Variants in ASCC3 observed in about 807,000 individuals in gnomAD.
ASCC3 encodes the protein activating signal cointegrator 1 complex subunit 3.
In ASCC3, 158 loss-of-function variants were observed where a neutral mutation model predicts 256.3. The ratio of observed to expected loss-of-function variants is 0.62; its 90% CI spans 0.54 to 0.70. ASCC3 has a LOEUF of 0.70. Ranked by LOEUF, ASCC3 falls within the 30% of genes least tolerant of loss-of-function variation. The pLI is 0.00. For missense variants in ASCC3, 2,259 were observed against 2,626.0 expected (o/e 0.86, Z 3.05); for synonymous variants, 948 against 883.4 (o/e 1.07, Z -1.30).
intron 36 of ASCC3, among the ~76,000 whole-genome samples, chr6:100,549,362 A>G (rs145501583): frequency 1.3e-3 from 196 of 152,118 alleles, no homozygotes; most frequent in Non-Finnish European, 2.4e-3. Flanking sequence ...TGTTTTGAAT[A>G]CTGTCTTCAC....
At chr6:100,722,620 G>A (rs1779395809) in intron 11 of ASCC3, among the ~76,000 whole-genome samples, 1 of 151,722 alleles carries the variant, frequency 6.6e-6, no homozygotes, top group Non-Finnish European at 1.5e-5. Context: ...ACATGTGTAA[G>A]TGTTTAATAA....
chr6:100,581,747 G>A (rs1308102671), intron 36 of ASCC3, among the ~76,000 whole-genome samples: 1 of 151,836 alleles, frequency 6.6e-6, no homozygotes, highest in Non-Finnish European at 1.5e-5. Flanking sequence ...ATCCATCTTG[G>A]ATTGATTTTT....
intron 29 of ASCC3, among the ~76,000 whole-genome samples, chr6:100,626,233 C>A (rs1233413670): frequency 2.0e-5 from 3 of 152,014 alleles, no homozygotes; most frequent in African/African-American, 4.8e-5. Flanking sequence ...TAGGTCTACA[C>A]AACTCTCTTA....
intron 14 of ASCC3, among the ~76,000 whole-genome samples, chr6:100,675,133 T>G (rs1220008949): frequency 6.6e-6 from 1 of 151,642 alleles, no homozygotes; most frequent in Non-Finnish European, 1.5e-5. Flanking sequence ...AACAGTTGTT[T>G]TTTTTTTTTT....
rs34993171 is a variant in ASCC3, at chr6:100,548,238, C to T, written c.5551-7851G>A. 1.9e-3 allele frequency among the ~76,000 whole-genome samples: 295 copies of T among 151,848 alleles called. 1 individual carries two copies. The highest frequency in any genetic ancestry group is 2.0e-3 in the Non-Finnish European group (135 of 67,788). On this transcript the variant is annotated intron_variant, in intron 36 of 41. Coordinates refer to ENST00000369162, the MANE Select transcript of ASCC3 (RefSeq NM_006828.4). ...TTCTTGTCTATGAAATAAGACTTAACGATGGAACCCCTTAGAGAGTTCATT... is the reference window on the plus strand; with the variant it reads ...TTCTTGTCTATGAAATAAGACTTAATGATGGAACCCCTTAGAGAGTTCATT...
intron 3 of ASCC3, among the ~76,000 whole-genome samples, chr6:100,851,996 C>T (rs575291445): frequency 6.6e-6 from 1 of 152,136 alleles, no homozygotes; most frequent in South Asian, 2.1e-4. Flanking sequence ...GCACACTGTC[C>T]GCATGAGATG....
At chr6:100,687,032 TCTCACACACA>T (rs1777605559) in intron 13 of ASCC3, among the ~76,000 whole-genome samples, 1 of 132,090 alleles carries the variant, frequency 7.6e-6, no homozygotes, top group Admixed American at 7.9e-5. Flanking sequence ...TCTCTCTCTC[TCTCACACACA>T]CACACACACA....
At chr6:100,621,523 C>A (rs1562173524) in intron 30 of ASCC3, among the ~76,000 whole-genome samples, 1 of 152,032 alleles carries the variant, frequency 6.6e-6, no homozygotes, top group Non-Finnish European at 1.5e-5. Context: ...AAATGCAAAG[C>A]AAAACCATAG....
chr6:100,786,907 G>A (rs761267700), intron 8 of ASCC3, among the ~76,000 whole-genome samples: 3 of 152,112 alleles, frequency 2.0e-5, no homozygotes, highest in Non-Finnish European at 4.4e-5. Context: ...AGAGTTAACT[G>A]ATTATCTATA....
intron 26 of ASCC3, among the ~76,000 whole-genome samples, chr6:100,630,003 T>C (rs1299734437): frequency 1.3e-5 from 2 of 152,016 alleles, no homozygotes; most frequent in African/African-American, 4.8e-5. Flanking sequence ...GTTCAGGTGA[T>C]TCTCCTGTCT....
chr6:100,824,249 T>C (rs989483350), intron 4 of ASCC3, among the ~76,000 whole-genome samples: 1 of 152,194 alleles, frequency 6.6e-6, no homozygotes, highest in Non-Finnish European at 1.5e-5. Context: ...ACTACAGTGT[T>C]TAAGAAATAA....
At chr6:100,658,759 T>C (rs1247982861) in intron 16 of ASCC3, among the ~76,000 whole-genome samples, 2 of 151,578 alleles carry the variant, frequency 1.3e-5, no homozygotes, top group Non-Finnish European at 3.0e-5. Context: ...GTTCAGATTG[T>C]AGAGGCCTTA....
chr6:100,691,738 A>G (rs563138540), intron 13 of ASCC3, among the ~76,000 whole-genome samples: 121 of 152,110 alleles, frequency 8.0e-4, no homozygotes, highest in Admixed American at 1.5e-3. Flanking sequence ...TTTTTTAGCA[A>G]TCTAGACTAA....
At chr6:100,750,205 T>G (rs1012977797) in intron 10 of ASCC3, among the ~76,000 whole-genome samples, 10 of 152,010 alleles carry the variant, frequency 6.6e-5, no homozygotes, top group Non-Finnish European at 1.5e-4. Context: ...ATCTCTGTAC[T>G]TGCTTATTCA....
At chr6:100,843,561 T>C (rs1049617162) in intron 4 of ASCC3, among the ~76,000 whole-genome samples, 2 of 152,192 alleles carry the variant, frequency 1.3e-5, no homozygotes, top group Non-Finnish European at 2.9e-5. Flanking sequence ...ATTGAAATAA[T>C]ACTGAGATAT....
At chr6:100,800,097 C>T (rs372339924) in intron 6 of ASCC3, among the ~76,000 whole-genome samples, 12 of 152,060 alleles carry the variant, frequency 7.9e-5, no homozygotes, top group Admixed American at 5.2e-4. Flanking sequence ...TACCTGGATG[C>T]GACCAAGAAT....
intron 24 of ASCC3, among the ~76,000 whole-genome samples, chr6:100,641,185 T>C (rs893732507): frequency 5.9e-5 from 9 of 152,178 alleles, no homozygotes; most frequent in African/African-American, 1.9e-4. Flanking sequence ...TAAGTCAAAA[T>C]AAAAAGGTAT....
intron 16 of ASCC3, among the ~76,000 whole-genome samples, chr6:100,656,597 T>A (rs561999325): frequency 2.2e-4 from 33 of 151,596 alleles, no homozygotes; most frequent in Non-Finnish European, 4.0e-4. Context: ...TGTAGCTTTG[T>A]GATATATTAA....
In ASCC3 at chr6:100,516,164, T is replaced by A; in HGVS notation, c.6075+16A>T. 4 of 1,613,360 alleles carry A rather than the reference T, an allele frequency of 2.5e-6. No individual in the cohort carries two copies. Among genetic ancestry groups the A allele is most frequent in the Non-Finnish European group, 2.5e-6 (3 of 1,179,450 alleles). On this transcript the variant is annotated intron_variant, in intron 39 of 41. Coordinates refer to ENST00000369162, the MANE Select transcript of ASCC3 (RefSeq NM_006828.4). The stretch of plus-strand genomic sequence containing the variant: ...AGAGTAGGGGAGCCTTCAAAACACT[T>A]AAGAGATGGTCTTACCTGTTTCGTT...
Sources: gnomAD v4.1 joint callset for allele counts (sites outside exome capture counted in the v4.1 genomes callset) on GRCh38, gnomAD v4.1.1 for gene constraint, MANE v1.5 for transcripts, NCBI Gene and HGNC (gene_info 2026-07-23, HGNC 2026-07-21) for gene names.